The following INTS5 variants were observed in gnomAD, a reference collection of about 807,000 sequenced individuals.
The protein encoded by INTS5 is KIAA1698.
A neutral mutation model predicts 60.0 loss-of-function variants in INTS5; 29 were observed. The ratio of observed to expected loss-of-function variants is 0.48; its 90% CI spans 0.36 to 0.66. The LOEUF is 0.66. Ranked by LOEUF, INTS5 falls within the 30% of genes least tolerant of loss-of-function variation. The pLI, the probability that INTS5 is intolerant of heterozygous loss-of-function variation, is 0.00. For missense variants in INTS5, 1,129 were observed against 1,307.9 expected (o/e 0.86, Z 2.11); for synonymous variants, 588 against 558.8 (o/e 1.05, Z -0.74).
Position 62,647,536 on chromosome 11 carries a change from G to A in INTS5, c.2544C>T (p.Gly848=), listed in dbSNP as rs1565118387. ...RATVERDLRI[G]RRFREQPLLF... ...GCAGGGGCTGTTCGCGGAAGCGCCGGCCAATGCGGAGATCCCGCTCCACGG... is the reference window on the plus strand; with the variant it reads ...GCAGGGGCTGTTCGCGGAAGCGCCGACCAATGCGGAGATCCCGCTCCACGG... Residue 848 remains glycine (G), a synonymous_variant, in exon 2 of 2, where the codon GGC becomes GGT. Transcript: ENST00000330574. 3 of 1,613,250 alleles carry A rather than the reference G, an allele frequency of 1.9e-6. No homozygotes were observed. Among genetic ancestry groups the A allele is most frequent in the Admixed American group, 1.7e-5 (1 of 59,962 alleles).
Position 62,649,157 on chromosome 11 carries a change from C to T in INTS5, c.923G>A (p.Ser308Asn). ...LGHLASRHGD[S>N]IRRELLRMFH... ...CATTCGCAGGAGCTCCCGTCGGATG[C>T]TATCTCCGTGGCGGGAGGCCAGGTG... Residue 308 changes from serine to asparagine, a missense_variant, in exon 2 of 2, where the codon AGC becomes AAC. Ser to Asn is a conservative substitution (Grantham distance 46, BLOSUM62 1). Transcript: ENST00000330574. This position sits in a 1 kb window ranked among gnomAD's most constrained non-coding sequence, Gnocchi z 6.0. The T allele has an allele frequency of 6.2e-7, 1 of 1,613,602 alleles. No individual in the cohort carries two copies. Among genetic ancestry groups the T allele is most frequent in the Non-Finnish European group, 8.5e-7 (1 of 1,179,540 alleles).
Position 62,647,853 on chromosome 11 carries a change from C to T in INTS5, c.2227G>A (p.Gly743Arg). ...RRHTAAVPGP[G>R]GIWSVFHAGV... ...GCATGGAAAACTGACCAAATCCCTC[C>T]AGGACCTGGCACAGCTGCAGTGTGC... is the stretch of plus-strand genomic sequence containing the variant. Residue 743 changes from glycine to arginine, a missense_variant, in exon 2 of 2, where the codon GGA becomes AGA. Transcript: ENST00000330574. 1 of 1,614,230 alleles carries T rather than the reference C, an allele frequency of 6.2e-7. No individual in the cohort carries two copies. Among genetic ancestry groups the T allele is most frequent in the Non-Finnish European group, 8.5e-7 (1 of 1,180,040 alleles).
Position 62,649,070 on chromosome 11 carries a change from G to A in INTS5, c.1010C>T (p.Thr337Met), listed in dbSNP as rs771261030. The A allele has an allele frequency of 1.3e-5, 21 of 1,610,644 alleles. No homozygotes were observed. The highest frequency in any genetic ancestry group is 6.7e-5 in the East Asian group (3 of 44,782). ...TGCCAGCTGCAGTAGGAACGGAACCGTGGCCTGAAGGGAGGGGTCCCCACT... is the reference window on the plus strand; with the variant it reads ...TGCCAGCTGCAGTAGGAACGGAACCATGGCCTGAAGGGAGGGGTCCCCACT... ...GRSGDPSLQA[T>M]VPFLLQLAVM... The change falls in exon 2 of 2, where the codon ACG becomes ATG. Residue 337 changes from threonine (T) to methionine (M), a missense_variant. Around this residue, in one of 3 missense-constraint regions of INTS5, gnomAD observed 1,070 missense variants for 1,246.1 expected, o/e 0.86. Coordinates refer to ENST00000330574, the MANE Select transcript of INTS5 (RefSeq NM_030628.2). This position sits in a 1 kb window ranked among gnomAD's most constrained non-coding sequence, Gnocchi z 6.0.
intron 1 of INTS5, 22 bp downstream of exon 1, chr11:62,653,148 A>G: frequency 8.1e-7 from 1 of 1,231,796 alleles, no homozygotes; most frequent in Non-Finnish European, 1.0e-6. Flanking sequence ...GATGGGGGGA[A>G]GGTGCCAAGG....
Position 62,649,383 on chromosome 11 carries a change from A to G in INTS5, c.697T>C (p.Ser233Pro). ...FDWVVAHIGSSFPGTIISRVL... is the reference protein window; with the variant it reads ...FDWVVAHIGSPFPGTIISRVL... The stretch of plus-strand genomic sequence containing the variant: ...CGGGAAATGATGGTGCCAGGAAAAG[A>G]GGAGCCAATATGTGCCACAACCCAG... The change falls in exon 2 of 2, where the codon TCT becomes CCT. Residue 233 changes from serine (S) to proline (P), a missense_variant. Ser to Pro is a moderately conservative substitution (Grantham distance 74). Transcript: ENST00000330574. This position sits in a 1 kb window ranked among gnomAD's most constrained non-coding sequence, Gnocchi z 6.0. 1 of 1,614,222 alleles carries G rather than the reference A, an allele frequency of 6.2e-7. No homozygotes were observed. Among genetic ancestry groups the G allele is most frequent in the Non-Finnish European group, 8.5e-7 (1 of 1,180,044 alleles).
rs1480193883 is a variant in INTS5 at position 62,651,695 on chromosome 11, A to G, written c.80+1475T>C. Among the ~76,000 whole-genome samples the G allele has an allele frequency of 7.9e-5, 12 of 151,890 alleles. No homozygotes were observed. In the East Asian group the frequency reaches 2.2e-3, roughly 27 times the overall value. ...GAACATAGTGAAACCCCATCTCTAC[A>G]AAAATAATAATAATAATAATTAGCC... is the stretch of plus-strand genomic sequence containing the variant. On this transcript the variant is annotated intron_variant, in intron 1 of 1. Coordinates refer to ENST00000330574, the MANE Select transcript of INTS5 (RefSeq NM_030628.2).
At position 62,648,367 on chromosome 11, in the gene INTS5, C is replaced by T. The variant is rs183259236; in HGVS notation, c.1713G>A (p.Thr571=). The T allele has an allele frequency of 8.1e-6, 13 of 1,613,918 alleles. No individual in the cohort carries two copies. Among genetic ancestry groups the T allele is most frequent in the East Asian group, 4.5e-5 (2 of 44,892 alleles). ...VHAGTLQPPF[T]ARFLRNLALL... ...GTGCCAAGTTGCGCAGGAACCGGGC[C>T]GTGAAGGGAGGCTGTAATGTCCCTG... The change falls in exon 2 of 2, where the codon ACG becomes ACA. Residue 571 remains threonine (T), a synonymous_variant. Coordinates refer to ENST00000330574, the MANE Select transcript of INTS5 (RefSeq NM_030628.2). This position sits in a 1 kb window ranked among gnomAD's most constrained non-coding sequence, Gnocchi z 4.4.
rs1487931715 is a variant in INTS5, at chr11:62,647,563, G to A, written c.2517C>T (p.Ala839=). The A allele has an allele frequency of 2.5e-6, 4 of 1,613,840 alleles. No individual in the cohort carries two copies. Among genetic ancestry groups the A allele is most frequent in the Non-Finnish European group, 3.4e-6 (4 of 1,180,012 alleles). Residue 839 remains alanine, a synonymous_variant, in exon 2 of 2, where the codon GCC becomes GCT. Transcript: ENST00000330574. ...CAATGCGGAGATCCCGCTCCACGGT[G>A]GCCCGGGCGTGTTCCTCGGGGGGCC... ...LAWPPEEHAR[A]TVERDLRIGR...
intron 1 of INTS5, among the ~76,000 whole-genome samples, chr11:62,651,878 A>C (rs1944597542): frequency 6.6e-6 from 1 of 152,126 alleles, no homozygotes; most frequent in Non-Finnish European, 1.5e-5. Flanking sequence ...AAGGTTAAGC[A>C]ATCAGACTAT....
In INTS5 at chr11:62,649,517, G is replaced by A. The variant is rs572439035; in HGVS notation, c.563C>T (p.Thr188Ile). 455 of 1,614,226 alleles carry A rather than the reference G, an allele frequency of 2.8e-4. 3 individuals carry two copies. The South Asian group carries it at 4.8e-3, about 17-fold the overall frequency. The change falls in exon 2 of 2, where the codon ACA becomes ATA. Residue 188 changes from threonine to isoleucine, a missense_variant. This residue lies in a region of INTS5 where 1,070 missense variants were observed against 1,246.1 expected (regional missense o/e 0.86). Transcript: ENST00000330574. The surrounding 1 kb of genome is among the most constrained non-coding windows in gnomAD (Gnocchi z 6.0). ...GCACTGCACATAGATGTCCATTAAT[G>A]TACGCGTGGCCCTACAACCCATCCA... Reference protein sequence around the residue: ...QLWMGCRATRTLMDIYVQCLS... With the variant: ...QLWMGCRATRILMDIYVQCLS...
In INTS5 at chr11:62,649,161, C is replaced by G. The variant is rs1590838170; in HGVS notation, c.919G>C (p.Asp307His). 1 of 1,613,708 alleles carries G rather than the reference C, an allele frequency of 6.2e-7. No individual in the cohort carries two copies. The highest frequency in any genetic ancestry group is 2.2e-5 in the East Asian group (1 of 44,874). The change falls in exon 2 of 2, where the codon GAT becomes CAT. Residue 307 changes from aspartate to histidine, a missense_variant. Asp to His is a moderately conservative substitution (Grantham distance 81). Around this residue, in one of 3 missense-constraint regions of INTS5, gnomAD observed 1,070 missense variants for 1,246.1 expected, o/e 0.86. Coordinates refer to ENST00000330574, the MANE Select transcript of INTS5 (RefSeq NM_030628.2). The surrounding 1 kb of genome is among the most constrained non-coding windows in gnomAD (Gnocchi z 6.0). ...CGCAGGAGCTCCCGTCGGATGCTAT[C>G]TCCGTGGCGGGAGGCCAGGTGACCT... ...ILGHLASRHGDSIRRELLRMF... is the reference protein window; with the variant it reads ...ILGHLASRHGHSIRRELLRMF...
chr11:62,649,333 G>T lies in INTS5; in HGVS notation c.747C>A (p.Asp249Glu), dbSNP rs368753345. The T allele has an allele frequency of 6.2e-7, 1 of 1,614,054 alleles. No individual in the cohort carries two copies. Among genetic ancestry groups the T allele is most frequent in the Non-Finnish European group, 8.5e-7 (1 of 1,180,040 alleles). ...ISRVLSCGLK[D>E]FCVHGGAGGG... Reference sequence around the variant, plus strand: ...CTCCAGCCCCACCATGGACACAAAAGTCCTTAAGGCCACAGGAGAGAACCC... The same window carrying T: ...CTCCAGCCCCACCATGGACACAAAATTCCTTAAGGCCACAGGAGAGAACCC... Residue 249 changes from aspartate (D) to glutamate (E), a missense_variant, in exon 2 of 2, where the codon GAC (aspartate) becomes GAA (glutamate). Physicochemically the swap from Asp to Glu is conservative, Grantham distance 45. This residue lies in a region of INTS5 where 1,070 missense variants were observed against 1,246.1 expected (regional missense o/e 0.86). Coordinates refer to ENST00000330574, the MANE Select transcript of INTS5 (RefSeq NM_030628.2). The surrounding 1 kb of genome is among the most constrained non-coding windows in gnomAD (Gnocchi z 6.0).
chr11:62,646,966 G>C lies in INTS5; in HGVS notation c.*54C>G, dbSNP rs1944518682. 7.0e-7 allele frequency: 1 copy of C among 1,426,254 alleles called. No individual in the cohort carries two copies. The highest frequency in any genetic ancestry group is 1.9e-4 in the Middle Eastern group (1 of 5,284). 88.3% of individuals were successfully genotyped at this position (1,426,254 alleles called of 1,614,324 possible). A position where few individuals can be genotyped will look rare whatever the true frequency, so the allele number is the denominator to read the frequency against. ...ACCTCCACCCTTCCGGAGCACGTTA[G>C]TCCCTTCCCTCTCTCACTGCTCAAC... On this transcript the variant is annotated 3_prime_UTR_variant, in exon 2 of 2. Transcript: ENST00000330574.
intron 1 of INTS5, among the ~76,000 whole-genome samples, chr11:62,652,285 C>CTCCA (rs1944601519): frequency 6.6e-6 from 1 of 152,006 alleles, no homozygotes; most frequent in South Asian, 2.1e-4. Flanking sequence ...CGCCACTGCA[C>CTCCA]TCCAGCCTGG....
chr11:62,648,547 C>T lies in INTS5; in HGVS notation c.1533G>A (p.Arg511=), dbSNP rs1314214037. The change falls in exon 2 of 2, where the codon CGG becomes CGA. Residue 511 remains arginine (R), a synonymous_variant. Transcript: ENST00000330574. The surrounding 1 kb of genome is among the most constrained non-coding windows in gnomAD (Gnocchi z 4.4). ...CCAAGGCCTCAGGTCCACAGCTAGG[C>T]CGGGTATAGACAGACAGCAGGCCCA... ...QLLGLLSVYT[R]PSCGPEALGH... 2 of 1,614,038 alleles carry T rather than the reference C, an allele frequency of 1.2e-6. No homozygotes were observed. Among genetic ancestry groups the T allele is most frequent in the African/African-American group, 2.7e-5 (2 of 74,946 alleles).
chr11:62,647,106 G>A lies in INTS5; in HGVS notation c.2974C>T (p.Leu992Phe). 3.1e-6 allele frequency: 5 copies of A among 1,614,174 alleles called. No homozygotes were observed. The highest frequency in any genetic ancestry group is 4.2e-6 in the Non-Finnish European group (5 of 1,180,030). ...CCTAGGCGGTCGATGTTGCGGTGGAGGACACTGTGCAGCACAGCCAGATGG... is the reference window on the plus strand; with the variant it reads ...CCTAGGCGGTCGATGTTGCGGTGGAAGACACTGTGCAGCACAGCCAGATGG... ...GPHLAVLHSV[L>F]HRNIDRLGLF... Residue 992 changes from leucine to phenylalanine, a missense_variant, in exon 2 of 2, where the codon CTC (leucine) becomes TTC (phenylalanine). Around this residue, in one of 3 missense-constraint regions of INTS5, gnomAD observed 1,070 missense variants for 1,246.1 expected, o/e 0.86. Coordinates refer to ENST00000330574, the MANE Select transcript of INTS5 (RefSeq NM_030628.2).
chr11:62,648,627 A>G lies in INTS5; in HGVS notation c.1453T>C (p.Cys485Arg). The G allele has an allele frequency of 1.2e-6, 2 of 1,614,016 alleles. No individual in the cohort carries two copies. Among genetic ancestry groups the G allele is most frequent in the Non-Finnish European group, 1.7e-6 (2 of 1,179,970 alleles). ...DALKNHVGEL[C>R]GETLRLERKR... is the part of the protein sequence containing the mutation. ...CGTTCCAATCGTAACGTCTCTCCACACAGCTCTCCAACATGGTTTTTGAGC... is the reference window on the plus strand; with the variant it reads ...CGTTCCAATCGTAACGTCTCTCCACGCAGCTCTCCAACATGGTTTTTGAGC... Residue 485 changes from cysteine (C) to arginine (R), a missense_variant, in exon 2 of 2, where the codon TGT (cysteine) becomes CGT (arginine). Physicochemically the swap from Cys to Arg is radical, Grantham distance 180. This residue lies in a region of INTS5 where 1,070 missense variants were observed against 1,246.1 expected (regional missense o/e 0.86). Transcript: ENST00000330574. The surrounding 1 kb of genome is among the most constrained non-coding windows in gnomAD (Gnocchi z 4.4).
Position 62,648,375 on chromosome 11 carries a change from G to A in INTS5, c.1705C>T (p.Pro569Ser), listed in dbSNP as rs1944561489. The A allele has an allele frequency of 6.2e-7, 1 of 1,614,178 alleles. No individual in the cohort carries two copies. The highest frequency in any genetic ancestry group is 8.5e-7 in the Non-Finnish European group (1 of 1,180,044). Residue 569 changes from proline to serine, a missense_variant, in exon 2 of 2, where the codon CCC (proline) becomes TCC (serine). Physicochemically the swap from Pro to Ser is moderately conservative, Grantham distance 74. Coordinates refer to ENST00000330574, the MANE Select transcript of INTS5 (RefSeq NM_030628.2). This position sits in a 1 kb window ranked among gnomAD's most constrained non-coding sequence, Gnocchi z 4.4. ...TTGCGCAGGAACCGGGCCGTGAAGGGAGGCTGTAATGTCCCTGCATGCACC... is the reference window on the plus strand; with the variant it reads ...TTGCGCAGGAACCGGGCCGTGAAGGAAGGCTGTAATGTCCCTGCATGCACC... Reference protein sequence around the residue: ...ARVHAGTLQPPFTARFLRNLA... With the variant: ...ARVHAGTLQPSFTARFLRNLA...
rs1483526118 is a variant in INTS5, at chr11:62,649,523, G to A, written c.557C>T (p.Thr186Met). The A allele has an allele frequency of 4.3e-6, 7 of 1,614,218 alleles. No homozygotes were observed. Among genetic ancestry groups the A allele is most frequent in the Admixed American group, 1.7e-5 (1 of 60,018 alleles). Reference sequence around the variant, plus strand: ...CACATAGATGTCCATTAATGTACGCGTGGCCCTACAACCCATCCACAGCTG... The same window carrying A: ...CACATAGATGTCCATTAATGTACGCATGGCCCTACAACCCATCCACAGCTG... ...LLQLWMGCRA[T>M]RTLMDIYVQC... The change falls in exon 2 of 2, where the codon ACG (threonine) becomes ATG (methionine). Residue 186 changes from threonine to methionine, a missense_variant. Coordinates refer to ENST00000330574, the MANE Select transcript of INTS5 (RefSeq NM_030628.2). The surrounding 1 kb of genome is among the most constrained non-coding windows in gnomAD (Gnocchi z 6.0).
Sources: allele counts gnomAD v4.1 joint callset (sites outside exome capture counted in the v4.1 genomes callset), GRCh38; gene constraint gnomAD v4.1.1; regional missense constraint gnomAD v4.1.1; non-coding constraint Gnocchi (gnomAD v3.1); transcripts MANE v1.5; gene names NCBI Gene and HGNC (gene_info 2026-07-23, HGNC 2026-07-21).